DPY30: variants seen among roughly 807,000 people sequenced by gnomAD.
DPY30 encodes the protein protein dpy-30 homolog.
DPY30 carries 6 observed loss-of-function variants against 16.2 expected under a neutral mutation model. The observed-to-expected ratio is 0.37, with a 90% CI of 0.20 to 0.73. The LOEUF (loss-of-function observed/expected upper bound fraction) is 0.73. Among genes scored for constraint, DPY30 ranks in the 30% least tolerant of loss-of-function variants. DPY30 has a pLI of 0.51. For missense variants in DPY30, 73 were observed against 113.1 expected (o/e 0.65, Z 1.61); for synonymous variants, 39 against 38.8 (o/e 1.00, Z -0.02).
chr2:32,025,081 G>C (rs1354687813), intron 4 of DPY30, among the ~76,000 whole-genome samples: 1 of 152,158 alleles, frequency 6.6e-6, no homozygotes, highest in Non-Finnish European at 1.5e-5. Flanking sequence ...ACTTTAAACA[G>C]CCCTAAGAGC....
chr2:32,021,992 C>T (rs1424788944), downstream of DPY30, among the ~76,000 whole-genome samples: 2 of 151,840 alleles, frequency 1.3e-5, no homozygotes, highest in African/African-American at 4.8e-5. Flanking sequence ...GGCAGATCAC[C>T]TGAGGTCAGG....
intron 5 of DPY30, among the ~76,000 whole-genome samples, chr2:32,015,138 G>A (rs1675040131): frequency 6.6e-6 from 1 of 151,124 alleles, no homozygotes; most frequent in Non-Finnish European, 1.5e-5. Context: ...AATCTACACA[G>A]CAATATTAAA....
chr2:32,023,807 C>T (rs1023917850), downstream of DPY30: 5 of 1,307,934 alleles, frequency 3.8e-6, no homozygotes, highest in Non-Finnish European at 5.0e-6. Flanking sequence ...TGTTGTAAAA[C>T]TCTGCAGCAT....
At chr2:32,039,122 G>C (rs561794389) in intron 3 of DPY30, among the ~76,000 whole-genome samples, 157 bp downstream of exon 3, 1 of 152,192 alleles carries the variant, frequency 6.6e-6, no homozygotes, top group South Asian at 2.1e-4. Context: ...AGAAGCATTA[G>C]TACTGCTAAT....
rs139565803 is a variant in DPY30, at chr2:32,025,901, G to A, written c.228-1645C>T. ...GGCAGGCAGATAGCTTGAGCCCAAG[G>A]GTTCAAAATCAACCTGGCAACGTGA... On this transcript the variant is annotated intron_variant, in intron 4 of 4. Coordinates refer to ENST00000342166, the MANE Select transcript of DPY30 (RefSeq NM_001321209.2). Among the ~76,000 whole-genome samples the A allele has an allele frequency of 9.7e-3, 1,475 of 151,784 alleles. 26 individuals are homozygous for A. Among genetic ancestry groups the A allele is most frequent in the South Asian group, 0.048 (231 of 4,810 alleles).
At chr2:32,039,522 C>G (rs1025546013) in intron 1 of DPY30, 30 bp from the exon 2 acceptor site, 2 of 1,610,622 alleles carry the variant, frequency 1.2e-6, no homozygotes, top group Admixed American at 1.7e-5. Context: ...CGCGAGTTAC[C>G]TGGGAGATTT....
chr2:32,013,742 G>C (rs1675011801), intron 5 of DPY30, among the ~76,000 whole-genome samples: 1 of 152,252 alleles, frequency 6.6e-6, no homozygotes, highest in Non-Finnish European at 1.5e-5. Context: ...GGGCGCGGTG[G>C]CTCCTGCCTG....
At chr2:32,015,782 G>A (rs1482079629) in intron 5 of DPY30, among the ~76,000 whole-genome samples, 1 of 151,014 alleles carries the variant, frequency 6.6e-6, no homozygotes, top group Non-Finnish European at 1.5e-5. Context: ...TTGAGCCCAG[G>A]AGTTCAAAGC....
intron 3 of DPY30, among the ~76,000 whole-genome samples, chr2:32,032,285 A>G (rs1210992466): frequency 6.6e-6 from 1 of 152,220 alleles, no homozygotes; most frequent in Non-Finnish European, 1.5e-5. Flanking sequence ...TTTATTTTTC[A>G]TTATTAAATT....
downstream of DPY30, chr2:32,011,892 AT>A (rs1192158195): frequency 3.3e-5 from 5 of 152,066 alleles, no homozygotes; most frequent in African/African-American, 1.2e-4. Context: ...GTTTCTATGA[AT>A]TTTTTATTTT....
downstream of DPY30, among the ~76,000 whole-genome samples, chr2:32,019,649 C>T (rs1158595662): frequency 2.6e-5 from 4 of 151,252 alleles, no homozygotes; most frequent in East Asian, 1.9e-4. Context: ...TGGCAAAACC[C>T]GTCTCTACTA....
At chr2:32,036,891 C>G (rs1374560247) in intron 3 of DPY30, among the ~76,000 whole-genome samples, 2 of 151,778 alleles carry the variant, frequency 1.3e-5, no homozygotes, top group African/African-American at 4.8e-5. Flanking sequence ...AAAAACTACA[C>G]CAAGACACGC....
At chr2:32,026,079 GC>G (rs1165798960) in intron 4 of DPY30, among the ~76,000 whole-genome samples, 2 of 151,932 alleles carry the variant, frequency 1.3e-5, no homozygotes, top group Non-Finnish European at 2.9e-5. Flanking sequence ...CTGTATTCCA[GC>G]TGGGGCAACA....
chr2:32,025,822 C>T (rs1187646458), intron 4 of DPY30, among the ~76,000 whole-genome samples: 3 of 147,328 alleles, frequency 2.0e-5, no homozygotes, highest in African/African-American at 7.5e-5. Flanking sequence ...CAACACCGTA[C>T]TTGGGCCGGG....
intron 5 of DPY30, among the ~76,000 whole-genome samples, chr2:32,012,511 A>T (rs1044951462): frequency 1.4e-5 from 2 of 138,490 alleles, no homozygotes; most frequent in Non-Finnish European, 3.0e-5. Context: ...GCTCGCTGCA[A>T]CCTCCGCCTC....
At chr2:32,016,102 A>G (rs190878583) in intron 5 of DPY30, among the ~76,000 whole-genome samples, 117 of 152,028 alleles carry the variant, frequency 7.7e-4, no homozygotes, top group African/African-American at 2.7e-3. Context: ...TTTTTACCAT[A>G]TTGGCCAGGC....
rs561619806 is a variant in DPY30 at position 32,032,874 on chromosome 2, T to C, written c.85-3138A>G. 3.7e-4 allele frequency among the ~76,000 whole-genome samples: 56 copies of C among 152,050 alleles called. 1 individual carries two copies. The South Asian group carries it at 0.011, about 31-fold the overall frequency. On this transcript the variant is annotated intron_variant, in intron 3 of 4. Coordinates refer to ENST00000342166, the MANE Select transcript of DPY30 (RefSeq NM_001321209.2). Reference sequence around the variant, plus strand: ...ATCTGGGCATGGTGGCAGGCGCCAGTAATCCCAGCTATTCAGGAGGCTAAG... The same window carrying C: ...ATCTGGGCATGGTGGCAGGCGCCAGCAATCCCAGCTATTCAGGAGGCTAAG...
At chr2:32,012,504 C>T (rs900459137) in intron 5 of DPY30, among the ~76,000 whole-genome samples, 4 of 136,034 alleles carry the variant, frequency 2.9e-5, no homozygotes, top group African/African-American at 1.1e-4. Flanking sequence ...GATCTGGGCT[C>T]GCTGCAACCT....
downstream of DPY30, among the ~76,000 whole-genome samples, chr2:32,023,192 G>A (rs538409162): frequency 6.6e-6 from 1 of 151,798 alleles, no homozygotes; most frequent in South Asian, 2.1e-4. Context: ...AAATGGGGGT[G>A]GGGAGAGATA....
Sources: allele counts gnomAD v4.1 joint callset (sites outside exome capture counted in the v4.1 genomes callset), GRCh38; gene constraint gnomAD v4.1.1; transcripts MANE v1.5; gene names NCBI Gene and HGNC (gene_info 2026-07-23, HGNC 2026-07-21).